Variants in GABRG1 observed in about 807,000 individuals in gnomAD.
The protein encoded by GABRG1 is gamma-aminobutyric acid receptor subunit gamma-1.
GABRG1 carries 49 observed loss-of-function variants against 49.8 expected under a neutral mutation model. That is an observed-to-expected ratio of 0.98 (90% CI 0.78 to 1.25). The LOEUF (loss-of-function observed/expected upper bound fraction) is 1.25, where lower values mean the gene tolerates loss of function less well. Among genes scored for constraint, GABRG1 ranks in the 50% most tolerant of loss-of-function variants. The pLI is 0.00. For synonymous variants in GABRG1, 232 were observed against 185.1 expected, an observed-to-expected ratio of 1.25 and a Z score of -2.06; for missense variants, 552 against 552.3, an observed-to-expected ratio of 1.00 and a Z score of 0.01.
chr4:46,076,239 T>G (rs1719320141), intron 3 of GABRG1, among the ~76,000 whole-genome samples: 2 of 151,318 alleles, frequency 1.3e-5, no homozygotes, highest in African/African-American at 2.4e-5. Flanking sequence ...TGTATGCATA[T>G]GTACATTTAA....
intron 8 of GABRG1, among the ~76,000 whole-genome samples, chr4:46,044,043 CTATA>C (rs1256987742): frequency 6.6e-6 from 1 of 151,878 alleles, no homozygotes; most frequent in Admixed American, 6.6e-5. Flanking sequence ...GAAATACTGA[CTATA>C]TAATATTAAT....
intron 8 of GABRG1, among the ~76,000 whole-genome samples, chr4:46,047,605 T>C (rs1367814401): frequency 6.6e-6 from 1 of 152,070 alleles, no homozygotes; most frequent in African/African-American, 2.4e-5. Flanking sequence ...GATACCTGTC[T>C]GTTTCCACAA....
intron 1 of GABRG1, among the ~76,000 whole-genome samples, chr4:46,122,712 A>T (rs1204169424): frequency 6.6e-6 from 1 of 152,130 alleles, no homozygotes. Flanking sequence ...TACGTTTATA[A>T]TAATAATTCA....
chr4:46,053,866 TC>T (rs1169320001), intron 7 of GABRG1, among the ~76,000 whole-genome samples: 1 of 152,058 alleles, frequency 6.6e-6, no homozygotes, highest in Non-Finnish European at 1.5e-5. Context: ...TTAAAATATT[TC>T]TGAGTCCGTG....
chr4:46,117,327 C>G (rs1174770367), intron 1 of GABRG1, among the ~76,000 whole-genome samples: 2 of 150,276 alleles, frequency 1.3e-5, no homozygotes. Context: ...GGAAAAATGT[C>G]AAATCTCAGA....
intron 2 of GABRG1, among the ~76,000 whole-genome samples, chr4:46,089,237 A>G (rs1037326486): frequency 4.6e-5 from 7 of 151,962 alleles, no homozygotes; most frequent in African/African-American, 9.7e-5. Context: ...ATTGAGCCAT[A>G]TACAATGCCT....
chr4:46,088,238 G>T (rs988105721), intron 2 of GABRG1, among the ~76,000 whole-genome samples: 1 of 151,990 alleles, frequency 6.6e-6, no homozygotes. Flanking sequence ...TGGATGAAGT[G>T]CTTGAACTTC....
At chr4:46,061,583 A>G (rs1718676004) in intron 5 of GABRG1, among the ~76,000 whole-genome samples, 1 of 152,046 alleles carries the variant, frequency 6.6e-6, no homozygotes, top group African/African-American at 2.4e-5. Flanking sequence ...ATAAAAATAC[A>G]TGTGAGGATA....
intron 3 of GABRG1, among the ~76,000 whole-genome samples, chr4:46,082,917 A>AC (rs1719627355): frequency 1.3e-5 from 2 of 151,578 alleles, no homozygotes; most frequent in Admixed American, 1.3e-4. Flanking sequence ...AGATCATCTC[A>AC]CACATTCTTA....
intron 7 of GABRG1, 36 bp from the exon 8 acceptor site, chr4:46,051,674 T>G (rs748201799): frequency 7.8e-7 from 1 of 1,277,094 alleles, no homozygotes; most frequent in Non-Finnish European, 1.1e-6. Context: ...AAATGAAAAT[T>G]AATAGACCAC....
intron 8 of GABRG1, among the ~76,000 whole-genome samples, chr4:46,043,732 T>C (rs981797724): frequency 3.3e-5 from 5 of 151,974 alleles, no homozygotes; most frequent in South Asian, 2.1e-4. Context: ...TTAAATAAAA[T>C]CGTTTTTAAA....
At chr4:46,118,222 T>C (rs983435630) in intron 1 of GABRG1, among the ~76,000 whole-genome samples, 1 of 147,938 alleles carries the variant, frequency 6.8e-6, no homozygotes, top group Admixed American at 6.8e-5. Flanking sequence ...TCCTCAGATG[T>C]AAGGATATAT....
chr4:46,077,832 T>C (rs1295618023), intron 3 of GABRG1, among the ~76,000 whole-genome samples: 2 of 151,680 alleles, frequency 1.3e-5, no homozygotes, highest in Non-Finnish European at 2.9e-5. Context: ...AAATGTGTAT[T>C]TGAATTAAGA....
intron 1 of GABRG1, among the ~76,000 whole-genome samples, chr4:46,097,573 T>G (rs1560369635): frequency 6.8e-6 from 1 of 148,092 alleles, no homozygotes; most frequent in Non-Finnish European, 1.5e-5. Flanking sequence ...AATATTAAAA[T>G]AATAAAGTAA....
chr4:46,044,863 A>T (rs948382591), intron 8 of GABRG1, among the ~76,000 whole-genome samples: 6 of 152,148 alleles, frequency 3.9e-5, no homozygotes, highest in African/African-American at 1.4e-4. Flanking sequence ...AATGAGAAGA[A>T]ACTTTCACTA....
chr4:46,072,656 T>G (rs986724334), intron 3 of GABRG1, among the ~76,000 whole-genome samples: 1 of 152,088 alleles, frequency 6.6e-6, no homozygotes, highest in Non-Finnish European at 1.5e-5. Context: ...TTGTCTCTGT[T>G]TATTTTTCTG....
chr4:46,109,328 A>G (rs1720650537), intron 1 of GABRG1, among the ~76,000 whole-genome samples: 2 of 151,036 alleles, frequency 1.3e-5, no homozygotes, highest in South Asian at 4.1e-4. Context: ...TAATAGTATC[A>G]GAGGATCTTT....
chr4:46,122,470 A>G (rs1166396936), intron 1 of GABRG1, among the ~76,000 whole-genome samples: 1 of 152,074 alleles, frequency 6.6e-6, no homozygotes, highest in Non-Finnish European at 1.5e-5. Context: ...TATACAAGAA[A>G]TAATTCATCC....
chr4:46,083,593 A>C (rs1328991709), intron 3 of GABRG1, among the ~76,000 whole-genome samples: 1 of 151,634 alleles, frequency 6.6e-6, no homozygotes, highest in South Asian at 2.1e-4. Context: ...CCCTGATCTT[A>C]TCAGGCTGTT....
Sources: gnomAD v4.1 joint callset for allele counts (sites outside exome capture counted in the v4.1 genomes callset) on GRCh38, gnomAD v4.1.1 for gene constraint, MANE v1.5 for transcripts, NCBI Gene and HGNC (gene_info 2026-07-23, HGNC 2026-07-21) for gene names.